The following TNFRSF21 variants were observed in gnomAD, a reference collection of about 807,000 sequenced individuals.
TNFRSF21 encodes TNF receptor superfamily member 21.
In TNFRSF21, 19 loss-of-function variants were observed where a neutral mutation model predicts 45.6. The ratio of observed to expected loss-of-function variants is 0.42; its 90% CI spans 0.29 to 0.61. The LOEUF is 0.61. Ranked by LOEUF, TNFRSF21 falls within the 20% of genes least tolerant of loss-of-function variation. TNFRSF21 has a pLI of 0.23. For missense variants in TNFRSF21, 737 were observed against 851.5 expected (o/e 0.87, Z 1.67); for synonymous variants, 314 against 335.5 (o/e 0.94, Z 0.70).
At chr6:47,250,244 G>T (rs1486743077) in intron 4 of TNFRSF21, among the ~76,000 whole-genome samples, 1 of 152,328 alleles carries the variant, frequency 6.6e-6, no homozygotes, top group East Asian at 1.9e-4. Flanking sequence ...TATTAGGGCA[G>T]TGTTTTGTTT....
intron 3 of TNFRSF21, among the ~76,000 whole-genome samples, chr6:47,272,760 G>C (rs1299893988): frequency 3.3e-5 from 5 of 151,982 alleles, no homozygotes; most frequent in African/African-American, 9.7e-5. Flanking sequence ...AAAATTGGTA[G>C]ACCATTAGCA....
chr6:47,261,094 C>T (rs113187493), intron 3 of TNFRSF21, among the ~76,000 whole-genome samples: 213 of 151,750 alleles, frequency 1.4e-3, no homozygotes, highest in African/African-American at 4.9e-3. Flanking sequence ...CCTTCTAACA[C>T]CCCCCCAAAC....
chr6:47,302,758 G>A (rs1422196025), intron 1 of TNFRSF21, among the ~76,000 whole-genome samples: 2 of 152,114 alleles, frequency 1.3e-5, no homozygotes, highest in African/African-American at 2.4e-5. Context: ...CAAAATTCTG[G>A]TAAATTAAGG....
At chr6:47,281,383 G>T (rs1286547927) in intron 3 of TNFRSF21, among the ~76,000 whole-genome samples, 1 of 149,724 alleles carries the variant, frequency 6.7e-6, no homozygotes, top group Admixed American at 6.7e-5. Flanking sequence ...ATCTATATGT[G>T]ATTTTTTTTT....
chr6:47,275,719 C>T (rs1040128879), intron 3 of TNFRSF21, among the ~76,000 whole-genome samples: 11 of 152,088 alleles, frequency 7.2e-5, no homozygotes, highest in African/African-American at 2.7e-4. Context: ...TACACATTCT[C>T]TTGGTTTTCC....
chr6:47,257,331 T>C (rs1765002832), intron 3 of TNFRSF21, among the ~76,000 whole-genome samples: 1 of 152,228 alleles, frequency 6.6e-6, no homozygotes, highest in South Asian at 2.1e-4. Context: ...TCTTGTTCTC[T>C]CTCTCAGCTA....
intron 1 of TNFRSF21, among the ~76,000 whole-genome samples, chr6:47,300,456 T>C (rs1193360045): frequency 6.6e-6 from 1 of 152,206 alleles, no homozygotes; most frequent in Non-Finnish European, 1.5e-5. Flanking sequence ...CTAACTGGCC[T>C]CCAGCTTCTA....
intron 1 of TNFRSF21, among the ~76,000 whole-genome samples, chr6:47,296,147 T>C (rs1433974557): frequency 6.6e-6 from 1 of 152,126 alleles, no homozygotes; most frequent in Non-Finnish European, 1.5e-5. Context: ...AGTAAGTGAA[T>C]TGGCATTCCA....
rs750289746 is a variant in TNFRSF21, at chr6:47,253,409, G to A, written c.1356C>T (p.Tyr452=). ...EREVAAFSNG[Y]TADHERAYAA... ...CGTAGGCCCGCTCGTGGTCGGCTGT[G>A]TACCCATTGGAGAAAGCAGCAACCT... The change falls in exon 4 of 6, where the codon TAC becomes TAT. Residue 452 remains tyrosine, a synonymous_variant. Transcript: ENST00000296861. The A allele has an allele frequency of 1.2e-5, 20 of 1,614,034 alleles. No homozygotes were observed. The African/African-American group carries it at 1.6e-4, about 13-fold the overall frequency.
intron 3 of TNFRSF21, among the ~76,000 whole-genome samples, chr6:47,263,708 T>C (rs1202745338): frequency 6.6e-6 from 1 of 152,206 alleles, no homozygotes; most frequent in Non-Finnish European, 1.5e-5. Flanking sequence ...TCACACTCTA[T>C]GGAAAAAAGG....
intron 3 of TNFRSF21, among the ~76,000 whole-genome samples, chr6:47,266,067 C>T (rs1762329878): frequency 6.6e-6 from 1 of 152,192 alleles, no homozygotes; most frequent in South Asian, 2.1e-4. Flanking sequence ...CACCTGACCA[C>T]TGAAACCTCT....
At chr6:47,281,963 C>T (rs976877206) in intron 3 of TNFRSF21, among the ~76,000 whole-genome samples, 26 of 152,028 alleles carry the variant, frequency 1.7e-4, no homozygotes, top group African/African-American at 5.5e-4. Context: ...TGCCTCTGCC[C>T]GACTTTCACT....
At position 47,234,874 on chromosome 6, in the gene TNFRSF21, G is replaced by C. The variant is rs1420131958; in HGVS notation, c.1534C>G (p.Pro512Ala). 2 of 1,406,026 alleles carry C rather than the reference G, an allele frequency of 1.4e-6. No homozygotes were observed. Among genetic ancestry groups the C allele is most frequent in the African/African-American group, 3.0e-5 (2 of 65,670 alleles). The allele number at this position is 1,406,026 out of a possible 1,614,324, so 87.1% of individuals were successfully genotyped here. A position where few individuals can be genotyped will look rare whatever the true frequency, so the allele number is the denominator to read the frequency against. Residue 512 changes from proline to alanine, a missense_variant, in exon 5 of 6, where the codon CCG (proline) becomes GCG (alanine). Coordinates refer to ENST00000296861, the MANE Select transcript of TNFRSF21 (RefSeq NM_014452.5). ...GGGCTAAGCGGGCTGGGGCTCATCGGGAGAGCTAGTTTGTCAGTTTCCAGC... is the reference window on the plus strand; with the variant it reads ...GGGCTAAGCGGGCTGGGGCTCATCGCGAGAGCTAGTTTGTCAGTTTCCAGC... ...TQLETDKLAL[P>A]MSPSPLSPSP...
chr6:47,249,058 G>A (rs1008155374), intron 4 of TNFRSF21, among the ~76,000 whole-genome samples: 3 of 152,136 alleles, frequency 2.0e-5, no homozygotes, highest in South Asian at 2.1e-4. Context: ...GATTTAACCC[G>A]GCACACGTCT....
chr6:47,242,642 CCCCGCT>C (rs1764763307), intron 4 of TNFRSF21, among the ~76,000 whole-genome samples: 2 of 152,238 alleles, frequency 1.3e-5, no homozygotes, highest in Non-Finnish European at 2.9e-5. Flanking sequence ...GGCAGCCCCG[CCCCGCT>C]ACCGGCACGG....
chr6:47,237,364 G>A (rs991129903), intron 4 of TNFRSF21, among the ~76,000 whole-genome samples: 6 of 152,186 alleles, frequency 3.9e-5, no homozygotes, highest in African/African-American at 1.4e-4. Context: ...AAGCCGGTTT[G>A]CAGTACTGCT....
intron 1 of TNFRSF21, among the ~76,000 whole-genome samples, chr6:47,287,884 G>A (rs1229460613): frequency 6.6e-6 from 1 of 152,184 alleles, no homozygotes; most frequent in East Asian, 1.9e-4. Context: ...AAGTTAAAAA[G>A]ACTATCTGAT....
intron 3 of TNFRSF21, among the ~76,000 whole-genome samples, chr6:47,283,097 G>A (rs1363361480): frequency 6.6e-6 from 1 of 152,132 alleles, no homozygotes; most frequent in Non-Finnish European, 1.5e-5. Context: ...TGAGGGGAGA[G>A]GACACACCTG....
At chr6:47,237,094 G>A (rs1375102131) in intron 4 of TNFRSF21, among the ~76,000 whole-genome samples, 1 of 152,136 alleles carries the variant, frequency 6.6e-6, no homozygotes, top group African/African-American at 2.4e-5. Flanking sequence ...AATGAGTCAG[G>A]TGAATATGAA....
Sources: allele counts gnomAD v4.1 joint callset (sites outside exome capture counted in the v4.1 genomes callset), GRCh38; gene constraint gnomAD v4.1.1; transcripts MANE v1.5; gene names NCBI Gene and HGNC (gene_info 2026-07-23, HGNC 2026-07-21).